Variants in SLC30A1 observed in about 807,000 individuals in gnomAD.
SLC30A1 encodes proton-coupled zinc antiporter SLC30A1.
In SLC30A1, 7 loss-of-function variants were observed where a neutral mutation model predicts 29.8. The observed-to-expected ratio is 0.23, with a 90% CI of 0.13 to 0.44. SLC30A1 has a LOEUF of 0.44. Among genes scored for constraint, SLC30A1 ranks in the 20% least tolerant of loss-of-function variants. SLC30A1 has a pLI of 1.00. For synonymous variants in SLC30A1, 254 were observed against 253.5 expected, an observed-to-expected ratio of 1.00 and a Z score of -0.02; for missense variants, 446 against 647.9, an observed-to-expected ratio of 0.69 and a Z score of 3.38.
In SLC30A1 at chr1:211,578,666, C is replaced by T. The variant is rs1232905147; in HGVS notation, c.-54G>A. The stretch of plus-strand genomic sequence containing the variant: ...GGCCCGGAGACTGGTGCAGCGGCGG[C>T]GTTGGCGGGACGCGGAGGGTCGGCG... On this transcript the variant is annotated 5_prime_UTR_variant, in exon 1 of 2. Transcript: ENST00000367001. The T allele has an allele frequency of 1.1e-5, 15 of 1,422,148 alleles. No homozygotes were observed. Among genetic ancestry groups the T allele is most frequent in the South Asian group, 1.5e-5 (1 of 66,378 alleles). The allele number at this position is 1,422,148 out of a possible 1,614,324, so 88.1% of individuals were successfully genotyped here. A position where few individuals can be genotyped will look rare whatever the true frequency, so the allele number is the denominator to read the frequency against.
In SLC30A1 at chr1:211,578,151, G is replaced by A. The variant is rs141311536; in HGVS notation, c.462C>T (p.Gly154=). The change falls in exon 1 of 2, where the codon GGC becomes GGT. Residue 154 remains glycine (G), a synonymous_variant. Transcript: ENST00000367001. ...GCCCCTTGGGGAGGCCGTGGCCGTG[G>A]CCGTGACCCCCGTGCGAGTGGCCGT... ...SGHGHSHGGH[G]HGHGLPKGPR... The A allele has an allele frequency of 2.4e-4, 383 of 1,608,278 alleles. No individual in the cohort carries two copies. Among genetic ancestry groups the A allele is most frequent in the Non-Finnish European group, 3.0e-4 (349 of 1,178,082 alleles).
Position 211,578,821 on chromosome 1 carries a change from G to C in SLC30A1, c.-209C>G. On this transcript the variant is annotated 5_prime_UTR_variant, in exon 1 of 2. Coordinates refer to ENST00000367001, the MANE Select transcript of SLC30A1 (RefSeq NM_021194.3). ...CTGTGGGCGTTCTCCGCCAGCCGGC[G>C]GCGCCGCGCCGCGCAGCTCCTCAGG... 5.6e-6 allele frequency: 2 copies of C among 357,892 alleles called. No individual in the cohort carries two copies. 22.2% of individuals were successfully genotyped at this position (357,892 alleles called of 1,614,324 possible).
In SLC30A1 at chr1:211,574,779, T is replaced by C. The variant is rs941134388; in HGVS notation, c.*609A>G. 6.6e-6 allele frequency: 1 copy of C among 152,170 alleles called. No individual in the cohort carries two copies. Among genetic ancestry groups the C allele is most frequent in the African/African-American group, 2.4e-5 (1 of 41,450 alleles). The allele number at this position is 152,170 out of a possible 1,614,324, so 9.4% of individuals were successfully genotyped here. A position where few individuals can be genotyped will look rare whatever the true frequency, so the allele number is the denominator to read the frequency against. On this transcript the variant is annotated 3_prime_UTR_variant, in exon 2 of 2. Transcript: ENST00000367001. Reference sequence around the variant, plus strand: ...GCTCTTACTACCCCATTTGCCCCATTGTGTGTAAACTGTAGTTCAATTTGT... The same window carrying C: ...GCTCTTACTACCCCATTTGCCCCATCGTGTGTAAACTGTAGTTCAATTTGT...
chr1:211,575,538 A>C lies in SLC30A1; in HGVS notation c.1374T>G (p.Asp458Glu), dbSNP rs1430091117. The C allele has an allele frequency of 6.2e-7, 1 of 1,614,198 alleles. No individual in the cohort carries two copies. Among genetic ancestry groups the C allele is most frequent in the Non-Finnish European group, 8.5e-7 (1 of 1,180,022 alleles). ...GTLPQAPSGK[D>E]AEKTPAVSIS... Reference sequence around the variant, plus strand: ...TGCTAACTGCTGGGGTCTTTTCTGCATCCTTTCCAGAAGGGGCTTGTGGTA... The same window carrying C: ...TGCTAACTGCTGGGGTCTTTTCTGCCTCCTTTCCAGAAGGGGCTTGTGGTA... Residue 458 changes from aspartate to glutamate, a missense_variant, in exon 2 of 2, where the codon GAT becomes GAG. By Grantham distance (45) the Asp-to-Glu change is conservative. Transcript: ENST00000367001. This position sits in a 1 kb window ranked among gnomAD's most constrained non-coding sequence, Gnocchi z 6.0.
chr1:211,577,152 A>G lies in SLC30A1; in HGVS notation c.622+839T>C, dbSNP rs1234330106. Among the ~76,000 whole-genome samples, 1 of 152,226 alleles carries G rather than the reference A, an allele frequency of 6.6e-6. No homozygotes were observed. The highest frequency in any genetic ancestry group is 1.5e-5 in the Non-Finnish European group (1 of 68,040). Reference sequence around the variant, plus strand: ...TAATGATACAAGGTAAATAAACGTAAGTGAAGGAAATAAGACCAAATTGTT... The same window carrying G: ...TAATGATACAAGGTAAATAAACGTAGGTGAAGGAAATAAGACCAAATTGTT... On this transcript the variant is annotated intron_variant, in intron 1 of 1. Transcript: ENST00000367001. The surrounding 1 kb of genome is among the most constrained non-coding windows in gnomAD (Gnocchi z 4.5).
At position 211,572,510 on chromosome 1, in the gene SLC30A1, A is replaced by C. The variant is rs1234622762; in HGVS notation, c.*2878T>G. The C allele has an allele frequency of 6.6e-6, 1 of 152,102 alleles. No homozygotes were observed. Among genetic ancestry groups the C allele is most frequent in the Admixed American group, 6.5e-5 (1 of 15,272 alleles). The allele number at this position is 152,102 out of a possible 1,614,324, so 9.4% of individuals were successfully genotyped here. ...ACTGTCAAAAATTCAAAATTAACTT[A>C]AGGATGTTAATAAGACACAAACGGT... On this transcript the variant is annotated 3_prime_UTR_variant, in exon 2 of 2. Coordinates refer to ENST00000367001, the MANE Select transcript of SLC30A1 (RefSeq NM_021194.3).
chr1:211,575,564 G>C lies in SLC30A1; in HGVS notation c.1348C>G (p.Leu450Val), dbSNP rs199570787. 1 of 1,614,142 alleles carries C rather than the reference G, an allele frequency of 6.2e-7. No individual in the cohort carries two copies. The highest frequency in any genetic ancestry group is 2.2e-5 in the East Asian group (1 of 44,890). The change falls in exon 2 of 2, where the codon CTA becomes GTA. Residue 450 changes from leucine to valine, a missense_variant. Leu to Val is a conservative substitution (Grantham distance 32). This residue lies in a region of SLC30A1 where 187 missense variants were observed against 312.7 expected (regional missense o/e 0.60). Transcript: ENST00000367001. The surrounding 1 kb of genome is among the most constrained non-coding windows in gnomAD (Gnocchi z 6.0). The part of the protein sequence containing the change: ...QCALKQCCGT[L>V]PQAPSGKDAE... ...TCCTTTCCAGAAGGGGCTTGTGGTA[G>C]TGTCCCACAACATTGCTTCAAAGCA...
chr1:211,573,427 G>A lies in SLC30A1; in HGVS notation c.*1961C>T, dbSNP rs563001616. ...GGTGTCATGCCATCTTTAAGACACA[G>A]ACCTCAAGTAGAGCATTTGTAAAGA... On this transcript the variant is annotated 3_prime_UTR_variant, in exon 2 of 2. Coordinates refer to ENST00000367001, the MANE Select transcript of SLC30A1 (RefSeq NM_021194.3). 2.4e-4 allele frequency: 36 copies of A among 152,136 alleles called. No individual in the cohort carries two copies. The highest frequency in any genetic ancestry group is 8.4e-4 in the African/African-American group (35 of 41,556). The allele number at this position is 152,136 out of a possible 1,614,324, so 9.4% of individuals were successfully genotyped here.
chr1:211,576,166 A>G lies in SLC30A1; in HGVS notation c.746T>C (p.Phe249Ser). The change falls in exon 2 of 2, where the codon TTT (phenylalanine) becomes TCT (serine). Residue 249 changes from phenylalanine (F) to serine (S), a missense_variant. Phe to Ser is a radical substitution (Grantham distance 155). This residue lies in a region of SLC30A1 where 187 missense variants were observed against 312.7 expected (regional missense o/e 0.60). Coordinates refer to ENST00000367001, the MANE Select transcript of SLC30A1 (RefSeq NM_021194.3). ...CAAGGCATCTCCAAGGACATGCAGA[A>G]AAACTCCACGCATGTTAAGTTGTCC... The part of the protein sequence containing the change: ...RAGQLNMRGV[F>S]LHVLGDALGS... 6.2e-7 allele frequency: 1 copy of G among 1,614,078 alleles called. No homozygotes were observed. Among genetic ancestry groups the G allele is most frequent in the Non-Finnish European group, 8.5e-7 (1 of 1,180,012 alleles).
chr1:211,576,357 C>A, intron 1 of SLC30A1, 68 bp from the exon 2 acceptor site: 1 of 1,080,298 alleles, frequency 9.3e-7, no homozygotes, highest in East Asian at 2.7e-5. Flanking sequence ...TTGTCTAATT[C>A]TTTTTAAGTG....
rs1389253275 is a variant in SLC30A1 at position 211,578,588 on chromosome 1, C to G, written c.25G>C (p.Gly9Arg). The part of the protein sequence containing the change: MGCWGRNR[G>R]RLLCMLALTF... ...AGCGCCAGCATGCACAGCAGCCGGC[C>G]CCGGTTCCGACCCCAACACCCCATG... Residue 9 changes from glycine (G) to arginine (R), a missense_variant, in exon 1 of 2, where the codon GGC (glycine) becomes CGC (arginine). By Grantham distance (125) the Gly-to-Arg change is moderately radical. Transcript: ENST00000367001. 3 of 1,600,816 alleles carry G rather than the reference C, an allele frequency of 1.9e-6. No individual in the cohort carries two copies. The highest frequency in any genetic ancestry group is 2.5e-6 in the Non-Finnish European group (3 of 1,178,222).
rs1479105017 is a variant in SLC30A1, at chr1:211,578,574, G to A, written c.39C>T (p.Cys13=). 2 of 1,606,142 alleles carry A rather than the reference G, an allele frequency of 1.2e-6. No homozygotes were observed. Among genetic ancestry groups the A allele is most frequent in the African/African-American group, 2.7e-5 (2 of 75,020 alleles). ...CWGRNRGRLL[C]MLALTFMFMV... The stretch of plus-strand genomic sequence containing the variant: ...TGAACATGAAGGTCAGCGCCAGCAT[G>A]CACAGCAGCCGGCCCCGGTTCCGAC... The change falls in exon 1 of 2, where the codon TGC becomes TGT. Residue 13 remains cysteine (C), a synonymous_variant. Transcript: ENST00000367001.
Position 211,579,125 on chromosome 1 carries a change from G to A in SLC30A1, c.-513C>T, listed in dbSNP as rs970625017. 1.3e-5 allele frequency among the ~76,000 whole-genome samples: 2 copies of A among 152,220 alleles called. No individual in the cohort carries two copies. Among genetic ancestry groups the A allele is most frequent in the African/African-American group, 4.8e-5 (2 of 41,462 alleles). On this transcript the variant is annotated 5_prime_UTR_variant, in exon 1 of 2. Transcript: ENST00000367001. ...GAGGAGCTAGAGAGGCGGCGGCCAC[G>A]GCAGCTGCACTCGGCCCGGTCTCGG...
rs1706688102 is a variant in SLC30A1, at chr1:211,574,048, G to C, written c.*1340C>G. 6.6e-6 allele frequency: 1 copy of C among 152,430 alleles called. No individual in the cohort carries two copies. The highest frequency in any genetic ancestry group is 1.5e-5 in the Non-Finnish European group (1 of 67,922). 9.4% of individuals were successfully genotyped at this position (152,430 alleles called of 1,614,324 possible). A position where few individuals can be genotyped will look rare whatever the true frequency, so the allele number is the denominator to read the frequency against. On this transcript the variant is annotated 3_prime_UTR_variant, in exon 2 of 2. Coordinates refer to ENST00000367001, the MANE Select transcript of SLC30A1 (RefSeq NM_021194.3). Reference sequence around the variant, plus strand: ...AGAATACCTTGTTTCTAGAAAAATAGAGCTATACATAACTGATGCTAATAT... The same window carrying C: ...AGAATACCTTGTTTCTAGAAAAATACAGCTATACATAACTGATGCTAATAT...
chr1:211,576,470 C>T (rs980807085), intron 1 of SLC30A1, among the ~76,000 whole-genome samples, 181 bp from the exon 2 acceptor site: 5 of 152,066 alleles, frequency 3.3e-5, no homozygotes, highest in Non-Finnish European at 1.5e-5. Context: ...ACATAATAGC[C>T]AGGGCTAAAT....
chr1:211,572,831 T>C lies in SLC30A1; in HGVS notation c.*2557A>G, dbSNP rs936705707. 6.6e-6 allele frequency: 1 copy of C among 152,100 alleles called. No individual in the cohort carries two copies. The highest frequency in any genetic ancestry group is 2.4e-5 in the African/African-American group (1 of 41,456). The allele number at this position is 152,100 out of a possible 1,614,324, so 9.4% of individuals were successfully genotyped here. ...ATTTCTTGGTTTTAATTCAGGCACATGCAGCACCTCCTTTTCACTAAACTG... is the reference window on the plus strand; with the variant it reads ...ATTTCTTGGTTTTAATTCAGGCACACGCAGCACCTCCTTTTCACTAAACTG... On this transcript the variant is annotated 3_prime_UTR_variant, in exon 2 of 2. Transcript: ENST00000367001.
intron 1 of SLC30A1, 66 bp from the exon 2 acceptor site, chr1:211,576,355 T>A: frequency 8.9e-7 from 1 of 1,120,058 alleles, no homozygotes; most frequent in Non-Finnish European, 1.2e-6. Context: ...CCTTGTCTAA[T>A]TCTTTTTAAG....
At position 211,579,127 on chromosome 1, in the gene SLC30A1, C is replaced by A. The variant is rs1706759334; in HGVS notation, c.-515G>T. ...GGAGCTAGAGAGGCGGCGGCCACGG[C>A]AGCTGCACTCGGCCCGGTCTCGGGC... On this transcript the variant is annotated 5_prime_UTR_variant, in exon 1 of 2. Transcript: ENST00000367001. 6.6e-6 allele frequency among the ~76,000 whole-genome samples: 1 copy of A among 152,244 alleles called. No homozygotes were observed. The highest frequency in any genetic ancestry group is 2.4e-5 in the African/African-American group (1 of 41,468).
Position 211,574,478 on chromosome 1 carries a change from A to G in SLC30A1, c.*910T>C, listed in dbSNP as rs1415618979. The G allele has an allele frequency of 1.3e-5, 2 of 152,092 alleles. No homozygotes were observed. Among genetic ancestry groups the G allele is most frequent in the Non-Finnish European group, 2.9e-5 (2 of 67,966 alleles). The allele number at this position is 152,092 out of a possible 1,614,324, so 9.4% of individuals were successfully genotyped here. On this transcript the variant is annotated 3_prime_UTR_variant, in exon 2 of 2. Coordinates refer to ENST00000367001, the MANE Select transcript of SLC30A1 (RefSeq NM_021194.3). ...GAAATGACCTTGAAAATTTTTTTTC[A>G]AACGCCCGGTTTAAAAGATTACATT...
Sources: gnomAD v4.1 joint callset for allele counts (sites outside exome capture counted in the v4.1 genomes callset) on GRCh38, gnomAD v4.1.1 for gene constraint, gnomAD v4.1.1 regional missense constraint, Gnocchi (gnomAD v3.1) non-coding constraint, MANE v1.5 for transcripts, NCBI Gene and HGNC (gene_info 2026-07-23, HGNC 2026-07-21) for gene names.